HOOK3: variants seen among roughly 807,000 people sequenced by gnomAD.
HOOK3 encodes protein Hook homolog 3.
In HOOK3, 24 loss-of-function variants were observed where a neutral mutation model predicts 116.3. The observed-to-expected ratio is 0.21, with a 90% CI of 0.15 to 0.29. The LOEUF (loss-of-function observed/expected upper bound fraction) is 0.29, where lower values mean the gene tolerates loss of function less well. HOOK3 is among the 10% of genes least tolerant of loss of function. The probability of loss-of-function intolerance (pLI) is 1.00; values close to 1 mark genes in which losing one functional copy is unlikely to be tolerated. For synonymous variants in HOOK3, 275 were observed against 283.0 expected (o/e 0.97, Z 0.28); for missense variants, 632 against 830.2 (o/e 0.76, Z 2.93).
chr8:42,922,890 AAAAAG>A (rs1807684243), intron 2 of HOOK3, among the ~76,000 whole-genome samples: 3 of 152,136 alleles, frequency 2.0e-5, no homozygotes, highest in African/African-American at 4.8e-5. Context: ...AAAAAAAAAA[AAAAAG>A]AAGGAAAGAA....
intron 3 of HOOK3, among the ~76,000 whole-genome samples, chr8:42,926,815 A>G (rs1367641397): frequency 3.3e-5 from 5 of 152,182 alleles, no homozygotes. Flanking sequence ...TCTCATGTGT[A>G]GCTTTGTGTA....
chr8:43,019,898 G>T lies in HOOK3; in HGVS notation c.*1400G>T, dbSNP rs1359136693. On this transcript the variant is annotated 3_prime_UTR_variant, in exon 22 of 22. Coordinates refer to ENST00000307602, the MANE Select transcript of HOOK3 (RefSeq NM_032410.4). ...TCATGGTTTTTTTGTTTATTTTTAG[G>T]TTAGGTCACTTAATATAGGAGGATG... 4.9e-6 allele frequency: 1 copy of T among 202,462 alleles called. No individual in the cohort carries two copies. Among genetic ancestry groups the T allele is most frequent in the East Asian group, 7.7e-5 (1 of 12,994 alleles). 12.5% of individuals were successfully genotyped at this position (202,462 alleles called of 1,614,324 possible). A position where few individuals can be genotyped will look rare whatever the true frequency, so the allele number is the denominator to read the frequency against.
chr8:42,955,744 AG>A (rs1808421069), intron 6 of HOOK3, among the ~76,000 whole-genome samples: 1 of 151,756 alleles, frequency 6.6e-6, no homozygotes, highest in South Asian at 2.1e-4. Context: ...CCTGATGTTG[AG>A]GAACAGATAA....
At chr8:43,005,508 C>T (rs539893383) in intron 17 of HOOK3, among the ~76,000 whole-genome samples, 157 of 151,804 alleles carry the variant, frequency 1.0e-3, no homozygotes, top group African/African-American at 3.6e-3. Flanking sequence ...AGATGTGAGC[C>T]ACCGCGCCTG....
At chr8:42,956,867 C>G (rs959609474) in intron 6 of HOOK3, among the ~76,000 whole-genome samples, 10 of 152,222 alleles carry the variant, frequency 6.6e-5, no homozygotes, top group African/African-American at 1.9e-4. Flanking sequence ...CAGGCGTGAG[C>G]CACCGCGCCC....
chr8:42,973,190 G>T, intron 11 of HOOK3, 99 bp from the exon 12 acceptor site: 1 of 1,307,160 alleles, frequency 7.7e-7, no homozygotes, highest in Non-Finnish European at 1.0e-6. Context: ...TTTGAGTACT[G>T]GTGGGAGAGA....
At chr8:42,926,844 G>C (rs1289262642) in intron 3 of HOOK3, among the ~76,000 whole-genome samples, 2 of 152,160 alleles carry the variant, frequency 1.3e-5, no homozygotes, top group African/African-American at 4.8e-5. Context: ...CACAGTGAAA[G>C]ACCCAGAACT....
intron 4 of HOOK3, among the ~76,000 whole-genome samples, chr8:42,939,580 C>T (rs1291105676): frequency 7.0e-6 from 1 of 143,620 alleles, no homozygotes; most frequent in African/African-American, 2.6e-5. Flanking sequence ...GGCTGACCCC[C>T]CCACCTCCCT....
intron 5 of HOOK3, among the ~76,000 whole-genome samples, chr8:42,943,802 C>T (rs1183188216): frequency 3.9e-5 from 6 of 152,148 alleles, no homozygotes; most frequent in Admixed American, 3.9e-4. Flanking sequence ...GTCTGCCTTC[C>T]CAACATATAT....
At chr8:42,934,513 G>A (rs1807928619) in intron 4 of HOOK3, among the ~76,000 whole-genome samples, 1 of 151,906 alleles carries the variant, frequency 6.6e-6, no homozygotes, top group African/African-American at 2.4e-5. Flanking sequence ...ATCTATATTA[G>A]GTATTTCTCC....
chr8:42,969,633 A>G (rs778227599), intron 11 of HOOK3, among the ~76,000 whole-genome samples: 5 of 152,186 alleles, frequency 3.3e-5, no homozygotes, highest in African/African-American at 7.2e-5. Context: ...TGCTGGCAAC[A>G]TGAGACATGT....
intron 2 of HOOK3, among the ~76,000 whole-genome samples, chr8:42,915,537 TTC>T (rs2130340289): frequency 6.6e-6 from 1 of 152,228 alleles, no homozygotes; most frequent in South Asian, 2.1e-4. Context: ...GTTCAAGCGA[TTC>T]TCCTGCCCCA....
At chr8:43,014,897 C>T (rs536319448) in intron 21 of HOOK3, among the ~76,000 whole-genome samples, 29 of 152,174 alleles carry the variant, frequency 1.9e-4, no homozygotes, top group Non-Finnish European at 1.6e-4. Context: ...GTAATCATGG[C>T]ACTTTGGGAG....
At chr8:42,897,411 G>A in intron 1 of HOOK3, 1 of 377,918 alleles carries the variant, frequency 2.6e-6, no homozygotes, top group East Asian at 3.8e-5. Context: ...GGCTGGGAAC[G>A]CGGCGGGCGA....
chr8:42,936,627 T>C (rs1367210792), intron 4 of HOOK3, among the ~76,000 whole-genome samples: 1 of 152,222 alleles, frequency 6.6e-6, no homozygotes, highest in Non-Finnish European at 1.5e-5. Context: ...CGAAGGCCTT[T>C]TCTGCATCTA....
At chr8:42,949,571 A>C (rs1325896209) in intron 5 of HOOK3, 1 of 152,214 alleles carries the variant, frequency 6.6e-6, no homozygotes, top group East Asian at 1.9e-4. Flanking sequence ...AATTCATCTC[A>C]ATTCTTTGTC....
At chr8:42,974,246 GGGA>G (rs1255991464) in intron 13 of HOOK3, 52 bp downstream of exon 13, 2 of 1,351,726 alleles carry the variant, frequency 1.5e-6, no homozygotes, top group African/African-American at 2.9e-5. Context: ...TTTTTGAGAC[GGGA>G]GTTTCACTCT....
rs538748623 is a variant in HOOK3, at chr8:42,961,093, G to A, written c.615+1779G>A. Among the ~76,000 whole-genome samples, 129 of 152,128 alleles carry A rather than the reference G, an allele frequency of 8.5e-4. 1 individual carries two copies. The South Asian group carries it at 0.011, about 13-fold the overall frequency. ...GTGCCATACACTTTTAAACAACCAG[G>A]TCTTGCAAAAATTCCCTCACTTGTG... On this transcript the variant is annotated intron_variant, in intron 8 of 21. Coordinates refer to ENST00000307602, the MANE Select transcript of HOOK3 (RefSeq NM_032410.4).
In HOOK3 at chr8:42,943,319, G is replaced by A. The variant is rs1366352358; in HGVS notation, c.274G>A (p.Gly92Arg). The change falls in exon 5 of 22, where the codon GGA (glycine) becomes AGA (arginine). Residue 92 changes from glycine to arginine, a missense_variant. By Grantham distance (125) the Gly-to-Arg change is moderately radical. This residue lies in a region of HOOK3 where 141 missense variants were observed against 150.8 expected (regional missense o/e 0.93). Transcript: ENST00000307602. ...GILDYNHEILGQQINDFTLPD... is the reference protein window; with the variant it reads ...GILDYNHEILRQQINDFTLPD... The stretch of plus-strand genomic sequence containing the variant: ...TCCTTTTATCTCCATTCAGATTTTA[G>A]GACAGCAAATTAATGACTTTACCCT... The A allele has an allele frequency of 1.4e-6, 2 of 1,480,694 alleles. No individual in the cohort carries two copies. The highest frequency in any genetic ancestry group is 3.0e-5 in the South Asian group (2 of 67,322). 91.7% of individuals were successfully genotyped at this position (1,480,694 alleles called of 1,614,324 possible).
Sources: allele counts gnomAD v4.1 joint callset (sites outside exome capture counted in the v4.1 genomes callset), GRCh38; gene constraint gnomAD v4.1.1; regional missense constraint gnomAD v4.1.1; transcripts MANE v1.5; gene names NCBI Gene and HGNC (gene_info 2026-07-23, HGNC 2026-07-21).